TBC1D19: variants seen among roughly 807,000 people sequenced by gnomAD.
The protein encoded by TBC1D19 is TBC1 domain family member 19.
A neutral mutation model predicts 89.0 loss-of-function variants in TBC1D19; 60 were observed. The observed-to-expected ratio is 0.67, with a 90% CI of 0.55 to 0.84. TBC1D19 has a LOEUF of 0.84. TBC1D19 is among the 40% of genes least tolerant of loss of function. TBC1D19 has a pLI of 0.00. For missense variants in TBC1D19, 500 were observed against 610.8 expected (o/e 0.82, Z 1.91); for synonymous variants, 189 against 199.7 (o/e 0.95, Z 0.45).
chr4:26,827,313 C>A, the TBC1D19 span, among the ~76,000 whole-genome samples: 1 of 152,204 alleles, frequency 6.6e-6, no homozygotes, highest in Non-Finnish European at 1.5e-5. Flanking sequence ...GGGTCAAAAT[C>A]ATCAGGCATT....
intron 15 of TBC1D19, among the ~76,000 whole-genome samples, chr4:26,723,222 T>G (rs139802437): frequency 7.9e-5 from 12 of 152,184 alleles, no homozygotes; most frequent in African/African-American, 2.9e-4. Context: ...ATTCTGAAGT[T>G]TCAGAACAAG....
chr4:26,617,275 T>C (rs1031012182), intron 3 of TBC1D19, among the ~76,000 whole-genome samples: 12 of 152,222 alleles, frequency 7.9e-5, no homozygotes, highest in Non-Finnish European at 1.6e-4. Context: ...GCCTAATCAC[T>C]TCTGAAAGAT....
At chr4:26,746,336 G>A (rs1380500874) in intron 18 of TBC1D19, among the ~76,000 whole-genome samples, 4 of 150,510 alleles carry the variant, frequency 2.7e-5, no homozygotes, top group African/African-American at 7.3e-5. Context: ...GCCTCCGAAA[G>A]CACTGGGATT....
At chr4:26,787,147 A>C in the TBC1D19 span, among the ~76,000 whole-genome samples, 1 of 150,064 alleles carries the variant, frequency 6.7e-6, no homozygotes, top group Non-Finnish European at 1.5e-5. Flanking sequence ...CTGTAGCCCA[A>C]GCTGGTGTGC....
chr4:26,582,874 G>A (rs571086947), upstream of TBC1D19, among the ~76,000 whole-genome samples: 2 of 152,202 alleles, frequency 1.3e-5, no homozygotes, highest in South Asian at 2.1e-4. Context: ...ATAGAGGCCC[G>A]GGTCCAGTCC....
intron 13 of TBC1D19, among the ~76,000 whole-genome samples, chr4:26,698,324 C>G (rs886701862): frequency 2.0e-5 from 3 of 152,118 alleles, no homozygotes; most frequent in Admixed American, 1.3e-4. Flanking sequence ...AGGACCTCTT[C>G]AAGGAGAACT....
the TBC1D19 span, among the ~76,000 whole-genome samples, chr4:26,855,428 A>G: frequency 6.6e-6 from 1 of 152,206 alleles, no homozygotes; most frequent in African/African-American, 2.4e-5. Flanking sequence ...AGGCAGCTTT[A>G]CAATCATTTT....
intron 7 of TBC1D19, among the ~76,000 whole-genome samples, chr4:26,642,320 A>G (rs1413601285): frequency 6.6e-6 from 1 of 152,240 alleles, no homozygotes; most frequent in Non-Finnish European, 1.5e-5. Flanking sequence ...TTTCATATCC[A>G]GCCAAACTAA....
At chr4:26,797,104 C>T in the TBC1D19 span, among the ~76,000 whole-genome samples, 40 of 152,046 alleles carry the variant, frequency 2.6e-4, no homozygotes, top group Admixed American at 4.6e-4. Flanking sequence ...CTCTGTTCAC[C>T]GATGACATGA....
rs1023490505 is a variant in TBC1D19, at chr4:26,732,996, G to A, written c.1085-2459G>A. 2.6e-5 allele frequency among the ~76,000 whole-genome samples: 4 copies of A among 152,136 alleles called. No homozygotes were observed. The East Asian group carries it at 5.8e-4, about 22-fold the overall frequency. On this transcript the variant is annotated intron_variant, in intron 15 of 20. Transcript: ENST00000264866. ...AGGGAGGAAATTTTGAAAGAATGGG[G>A]TGGCTAATCATATAGAGAGGAATAA...
the TBC1D19 span, among the ~76,000 whole-genome samples, chr4:26,812,820 GTC>G: frequency 1.7e-5 from 2 of 114,432 alleles, no homozygotes; most frequent in South Asian, 2.5e-4. The surrounding 1 kb of genome is among the most constrained non-coding windows in gnomAD (Gnocchi z 4.2). Context: ...GAATGTGTGT[GTC>G]TATATATGTA....
chr4:26,744,484 G>A (rs1718537518), intron 18 of TBC1D19, among the ~76,000 whole-genome samples: 1 of 151,092 alleles, frequency 6.6e-6, no homozygotes, highest in African/African-American at 2.4e-5. Context: ...ATTGATTTGG[G>A]ACTTTCTTTT....
chr4:26,622,468 C>A (rs1255038239), intron 4 of TBC1D19, among the ~76,000 whole-genome samples: 1 of 151,892 alleles, frequency 6.6e-6, no homozygotes, highest in African/African-American at 2.4e-5. Flanking sequence ...CTGCTAGCTG[C>A]TGAGAATATA....
chr4:26,781,424 A>C, the TBC1D19 span, among the ~76,000 whole-genome samples: 1 of 152,076 alleles, frequency 6.6e-6, no homozygotes, highest in Non-Finnish European at 1.5e-5. Context: ...AACCTCTTCC[A>C]CTGGGAGGTC....
chr4:26,852,052 A>G, the TBC1D19 span, among the ~76,000 whole-genome samples: 1 of 152,232 alleles, frequency 6.6e-6, no homozygotes, highest in Non-Finnish European at 1.5e-5. Context: ...CCAATTACTT[A>G]CTGATGTTTC....
chr4:26,620,774 GTAT>G (rs1400483264), intron 4 of TBC1D19, 86 bp downstream of exon 4: 1 of 1,186,688 alleles, frequency 8.4e-7, no homozygotes, highest in African/African-American at 1.5e-5. Flanking sequence ...TCAGGAGTAT[GTAT>G]TATTAATTAT....
chr4:26,688,295 C>T (rs763629810), intron 12 of TBC1D19, 50 bp from the exon 13 acceptor site: 8 of 1,537,024 alleles, frequency 5.2e-6, no homozygotes, highest in African/African-American at 4.2e-5. Context: ...TTTAGTACTA[C>T]AGACAGATCT....
chr4:26,602,380 G>C (rs1362405239), intron 1 of TBC1D19, among the ~76,000 whole-genome samples: 1 of 149,422 alleles, frequency 6.7e-6, no homozygotes, highest in Non-Finnish European at 1.5e-5. Flanking sequence ...TGATGTGTTA[G>C]AACTGCTGGT....
intron 1 of TBC1D19, among the ~76,000 whole-genome samples, chr4:26,594,811 C>G (rs996135745): frequency 6.6e-6 from 1 of 152,132 alleles, no homozygotes; most frequent in Admixed American, 6.5e-5. Flanking sequence ...CTCTCTGATT[C>G]CCTAAAAAAT....
Sources: gnomAD v4.1 joint callset for allele counts (sites outside exome capture counted in the v4.1 genomes callset) on GRCh38, gnomAD v4.1.1 for gene constraint, Gnocchi (gnomAD v3.1) non-coding constraint, MANE v1.5 for transcripts, NCBI Gene and HGNC (gene_info 2026-07-23, HGNC 2026-07-21) for gene names.